Variants in PCDHAC1 observed in about 807,000 individuals in gnomAD.
The protein encoded by PCDHAC1 is protocadherin alpha-C1.
In PCDHAC1, 42 loss-of-function variants were observed where a neutral mutation model predicts 60.0. The observed-to-expected ratio is 0.70, with a 90% CI of 0.55 to 0.90. The LOEUF (loss-of-function observed/expected upper bound fraction) is 0.90, where lower values mean the gene tolerates loss of function less well. Among genes scored for constraint, PCDHAC1 ranks in the 40% least tolerant of loss-of-function variants. The pLI is 0.00. For synonymous variants in PCDHAC1, 468 were observed against 499.3 expected (o/e 0.94, Z 0.84); for missense variants, 1,160 against 1,222.3 (o/e 0.95, Z 0.76).
At chr5:140,999,877 G>C (rs1194481133) in intron 3 of PCDHAC1, among the ~76,000 whole-genome samples, 1 of 152,152 alleles carries the variant, frequency 6.6e-6, no homozygotes, top group Non-Finnish European at 1.5e-5. Flanking sequence ...CTGAAAATTA[G>C]CCCAGCTGTA....
chr5:140,983,523 T>G (rs1186391173), intron 3 of PCDHAC1, among the ~76,000 whole-genome samples: 1 of 152,224 alleles, frequency 6.6e-6, no homozygotes, highest in East Asian at 1.9e-4. Flanking sequence ...CTGTGCCAAG[T>G]ACATTGTATG....
intron 1 of PCDHAC1, among the ~76,000 whole-genome samples, chr5:140,948,721 A>G (rs1392170905): frequency 2.0e-5 from 3 of 151,530 alleles, no homozygotes; most frequent in African/African-American, 7.2e-5. Flanking sequence ...CTTTTTTATC[A>G]ATAAGTCTAG....
chr5:140,982,661 T>C, intron 3 of PCDHAC1, 98 bp downstream of exon 3: 1 of 1,482,624 alleles, frequency 6.7e-7, no homozygotes, highest in Admixed American at 2.6e-5. Flanking sequence ...TCTTTTTCTT[T>C]TATATTTTTG....
intron 1 of PCDHAC1, among the ~76,000 whole-genome samples, chr5:140,964,075 AT>A (rs1277799626): frequency 9.2e-5 from 14 of 152,324 alleles, no homozygotes; most frequent in African/African-American, 3.1e-4. Flanking sequence ...TAGTGTTAAT[AT>A]TTGTAGAAAG....
intron 1 of PCDHAC1, among the ~76,000 whole-genome samples, chr5:140,941,191 T>TTTTTTCTTTC (rs1554213809): frequency 1.1e-5 from 1 of 93,206 alleles, no homozygotes; most frequent in Non-Finnish European, 2.3e-5. Flanking sequence ...GCTTCTTTTT[T>TTTTTTCTTTC]TTTCTTTCTT....
At chr5:140,932,688 TA>T (rs1214634464) in intron 1 of PCDHAC1, among the ~76,000 whole-genome samples, 4 of 151,810 alleles carry the variant, frequency 2.6e-5, no homozygotes, top group African/African-American at 9.7e-5. Flanking sequence ...ATATTCAAAT[TA>T]AAAAACTCAT....
chr5:140,939,246 C>A (rs536477969), intron 1 of PCDHAC1, among the ~76,000 whole-genome samples: 1 of 152,112 alleles, frequency 6.6e-6, no homozygotes, highest in South Asian at 2.1e-4. Context: ...AGCAAGGTAG[C>A]TCTCTGGAAC....
At chr5:140,958,098 G>A (rs1170347696) in intron 1 of PCDHAC1, among the ~76,000 whole-genome samples, 4 of 152,088 alleles carry the variant, frequency 2.6e-5, no homozygotes, top group South Asian at 2.1e-4. Context: ...ACAATAGTGT[G>A]TAGAGTGTGG....
chr5:140,986,372 G>A lies in PCDHAC1; in HGVS notation c.2581+3809G>A, dbSNP rs570215048. ...TCTTCAGATGGAGGAATGCGTTTTG[G>A]GGGGAGGGACATTAAAGGGCCAGTC... On this transcript the variant is annotated intron_variant, in intron 3 of 3. Coordinates refer to ENST00000253807, the MANE Select transcript of PCDHAC1 (RefSeq NM_018898.5). Among the ~76,000 whole-genome samples, 23 of 152,248 alleles carry A rather than the reference G, an allele frequency of 1.5e-4. No homozygotes were observed. In the East Asian group the frequency reaches 1.7e-3, roughly 12 times the overall value.
At chr5:140,978,566 T>G (rs1554239422) in intron 1 of PCDHAC1, among the ~76,000 whole-genome samples, 1 of 152,204 alleles carries the variant, frequency 6.6e-6, no homozygotes, top group East Asian at 1.9e-4. Flanking sequence ...ATAGCTGTAA[T>G]ACTGAATTGG....
chr5:140,968,614 A>G, intron 1 of PCDHAC1: 5 of 1,614,142 alleles, frequency 3.1e-6, no homozygotes, highest in Non-Finnish European at 4.2e-6. Flanking sequence ...ACTCTGGGCA[A>G]AATGCTTGGC....
intron 1 of PCDHAC1, among the ~76,000 whole-genome samples, chr5:140,938,922 T>G (rs2092267013): frequency 6.6e-6 from 1 of 151,926 alleles, no homozygotes; most frequent in Non-Finnish European, 1.5e-5. Flanking sequence ...CACAAGAAAT[T>G]GGCTTTTAAC....
At position 141,010,080 on chromosome 5, in the gene PCDHAC1, G is replaced by C. The variant is rs2098415967; in HGVS notation, c.*143G>C. On this transcript the variant is annotated 3_prime_UTR_variant, in exon 4 of 4. Transcript: ENST00000253807. The stretch of plus-strand genomic sequence containing the variant: ...AATCTGCAGAAAGTTCCCTGTGTCT[G>C]TCTAGAACGCATTTAACAGGTTTTG... 1 of 1,611,462 alleles carries C rather than the reference G, an allele frequency of 6.2e-7. No homozygotes were observed. The highest frequency in any genetic ancestry group is 1.1e-5 in the South Asian group (1 of 90,590).
intron 3 of PCDHAC1, among the ~76,000 whole-genome samples, chr5:141,001,247 A>G (rs547699044): frequency 1.3e-5 from 2 of 152,256 alleles, no homozygotes; most frequent in African/African-American, 2.4e-5. Flanking sequence ...AATCAACCCT[A>G]TGGGGCGGGC....
intron 3 of PCDHAC1, among the ~76,000 whole-genome samples, chr5:141,007,379 C>G (rs1178671835): frequency 7.1e-6 from 1 of 139,926 alleles, no homozygotes; most frequent in Non-Finnish European, 1.5e-5. Flanking sequence ...GATGGAACAC[C>G]ATCTCTACTA....
rs781959040 is a variant in PCDHAC1 at position 140,968,057 on chromosome 5, C to A, written c.2434-10892C>A. 2.5e-6 allele frequency: 4 copies of A among 1,613,992 alleles called. 1 individual carries two copies. Among genetic ancestry groups the A allele is most frequent in the South Asian group, 2.2e-5 (2 of 91,082 alleles). ...GGTGAGCGGCCCACTGGACCGAGAGCGGGTGGCTGTCTACAACATCACGGT... is the reference window on the plus strand; with the variant it reads ...GGTGAGCGGCCCACTGGACCGAGAGAGGGTGGCTGTCTACAACATCACGGT... On this transcript the variant is annotated intron_variant, in intron 1 of 3. Transcript: ENST00000253807.
chr5:141,010,949 C>T lies in PCDHAC1; in HGVS notation c.*1012C>T, dbSNP rs1554263219. The T allele has an allele frequency of 6.5e-6, 1 of 153,762 alleles. No individual in the cohort carries two copies. Among genetic ancestry groups the T allele is most frequent in the African/African-American group, 2.4e-5 (1 of 41,442 alleles). 9.5% of individuals were successfully genotyped at this position (153,762 alleles called of 1,614,324 possible). On this transcript the variant is annotated 3_prime_UTR_variant, in exon 4 of 4. Transcript: ENST00000253807. ...TTCAGTCTACAGCCATTTAAATGAT[C>T]ATTGCTGCTACAGAAGTGCTTTAAG...
At position 140,966,710 on chromosome 5, in the gene PCDHAC1, G is replaced by T. The variant is rs552888876; in HGVS notation, c.2434-12239G>T. The T allele has an allele frequency of 2.9e-6, 4 of 1,391,664 alleles. No individual in the cohort carries two copies. In the South Asian group the frequency reaches 6.5e-5, roughly 23 times the overall value. The allele number at this position is 1,391,664 out of a possible 1,614,324, so 86.2% of individuals were successfully genotyped here. A position where few individuals can be genotyped will look rare whatever the true frequency, so the allele number is the denominator to read the frequency against. On this transcript the variant is annotated intron_variant, in intron 1 of 3. Transcript: ENST00000253807. ...AGGCGGGGCCCGGGCGTGGGGCACG[G>T]CTGGGGAAGCTGCCGCCTCCGGCCC...
intron 3 of PCDHAC1, among the ~76,000 whole-genome samples, chr5:141,007,087 A>G (rs1554261040): frequency 6.6e-6 from 1 of 152,112 alleles, no homozygotes; most frequent in African/African-American, 2.4e-5. Context: ...AATAGAGAAG[A>G]GAGTCTAGGG....
Sources: allele counts gnomAD v4.1 joint callset (sites outside exome capture counted in the v4.1 genomes callset), GRCh38; gene constraint gnomAD v4.1.1; transcripts MANE v1.5; gene names NCBI Gene and HGNC (gene_info 2026-07-23, HGNC 2026-07-21).